Variants in RCL1 observed in about 807,000 individuals in gnomAD.
RCL1 encodes the protein RNA terminal phosphate cyclase like 1, also known as RNA 3'-terminal phosphate cyclase-like protein.
A neutral mutation model predicts 42.4 loss-of-function variants in RCL1; 24 were observed. That is an observed-to-expected ratio of 0.57 (90% CI 0.41 to 0.80). RCL1 has a LOEUF of 0.80. Ranked by LOEUF, RCL1 falls within the 30% of genes least tolerant of loss-of-function variation. RCL1 has a pLI of 0.00. For missense variants in RCL1, 578 were observed against 467.9 expected, an observed-to-expected ratio of 1.24 and a Z score of -2.17; for synonymous variants, 228 against 177.3, an observed-to-expected ratio of 1.29 and a Z score of -2.27.
chr9:4,847,902 C>G (rs1290476432), intron 7 of RCL1, among the ~76,000 whole-genome samples: 1 of 152,242 alleles, frequency 6.6e-6, no homozygotes, highest in Non-Finnish European at 1.5e-5. Flanking sequence ...GCTCATCTCT[C>G]AAGGGCTGGC....
At chr9:4,858,833 T>C (rs1818054013) in intron 8 of RCL1, among the ~76,000 whole-genome samples, 1 of 152,214 alleles carries the variant, frequency 6.6e-6, no homozygotes, top group Non-Finnish European at 1.5e-5. Flanking sequence ...AATACTTCAC[T>C]ATAGATGTGC....
intron 5 of RCL1, among the ~76,000 whole-genome samples, chr9:4,834,750 C>G (rs1025314983): frequency 1.3e-5 from 2 of 152,080 alleles, no homozygotes; most frequent in Non-Finnish European, 2.9e-5. Flanking sequence ...TGAATGATAT[C>G]TACTATTAAG....
chr9:4,846,758 G>A (rs1817528985), intron 7 of RCL1, among the ~76,000 whole-genome samples: 1 of 152,180 alleles, frequency 6.6e-6, no homozygotes, highest in Non-Finnish European at 1.5e-5. Context: ...CAGTAGTCCA[G>A]TAGGAGCCTA....
chr9:4,838,477 G>T (rs1817210446), intron 5 of RCL1, among the ~76,000 whole-genome samples: 1 of 152,220 alleles, frequency 6.6e-6, no homozygotes, highest in East Asian at 1.9e-4. Context: ...AAGTGAAAAA[G>T]CTGGCAGTAA....
chr9:4,848,642 C>G (rs1817601301), intron 7 of RCL1, among the ~76,000 whole-genome samples: 1 of 152,160 alleles, frequency 6.6e-6, no homozygotes, highest in Admixed American at 6.5e-5. Context: ...AAAGAATGAT[C>G]AGAAAGCGTG....
chr9:4,800,335 T>C (rs376340), intron 1 of RCL1, among the ~76,000 whole-genome samples: 152,255 of 152,258 alleles, frequency 1, 76,126 homozygotes, highest in Non-Finnish European at 1. Context: ...CCACCTCAGC[T>C]TCCCGAGTAG....
chr9:4,828,130 G>A (rs1465192984), intron 3 of RCL1, among the ~76,000 whole-genome samples: 1 of 145,436 alleles, frequency 6.9e-6, no homozygotes, highest in Non-Finnish European at 1.5e-5. Context: ...AGCTTGCAGT[G>A]AGCCGAGATC....
At chr9:4,821,368 G>T (rs934600156) in intron 1 of RCL1, among the ~76,000 whole-genome samples, 1 of 152,118 alleles carries the variant, frequency 6.6e-6, no homozygotes, top group African/African-American at 2.4e-5. Flanking sequence ...GCATTCTTGG[G>T]TCTCAGTGTC....
chr9:4,826,970 A>G lies in RCL1; in HGVS notation c.321A>G (p.Pro107=). ...TGGAGAGTCTTCTTTGCTTGGCTCCATTTATGAAGCACCCGTTAAAAATAG... is the reference window on the plus strand; with the variant it reads ...TGGAGAGTCTTCTTTGCTTGGCTCCGTTTATGAAGCACCCGTTAAAAATAG... ...YYLESLLCLA[P]FMKHPLKIVL... is the part of the protein sequence containing the mutation. The change falls in exon 3 of 9, where the codon CCA becomes CCG. Residue 107 remains proline, a synonymous_variant. Coordinates refer to ENST00000381750, the MANE Select transcript of RCL1 (RefSeq NM_005772.5). 6.2e-7 allele frequency: 1 copy of G among 1,614,126 alleles called. No homozygotes were observed. Among genetic ancestry groups the G allele is most frequent in the Non-Finnish European group, 8.5e-7 (1 of 1,180,032 alleles).
chr9:4,825,005 G>A (rs114395034), intron 2 of RCL1, among the ~76,000 whole-genome samples: 1,639 of 152,152 alleles, frequency 0.011, 28 homozygotes, highest in African/African-American at 0.038. Context: ...TCTGCCTCCC[G>A]GGTTCAAACG....
intron 1 of RCL1, among the ~76,000 whole-genome samples, chr9:4,813,054 T>C (rs368076648): frequency 6.6e-6 from 1 of 152,212 alleles, no homozygotes; most frequent in East Asian, 1.9e-4. Flanking sequence ...TTGGATGCCC[T>C]TTATTTCTGT....
At chr9:4,820,581 T>C (rs943928246) in intron 1 of RCL1, among the ~76,000 whole-genome samples, 1 of 152,260 alleles carries the variant, frequency 6.6e-6, no homozygotes, top group Non-Finnish European at 1.5e-5. Flanking sequence ...TCATGGTTTC[T>C]TCCTTTTTTC....
chr9:4,828,253 C>T (rs1478115783), intron 3 of RCL1, among the ~76,000 whole-genome samples: 2 of 151,582 alleles, frequency 1.3e-5, no homozygotes, highest in Middle Eastern at 3.2e-3. Flanking sequence ...AGGCCAAGAC[C>T]AATGAATGGA....
In RCL1 at chr9:4,860,974, A is replaced by G. The variant is rs1818156107; in HGVS notation, c.*699A>G. On this transcript the variant is annotated 3_prime_UTR_variant, in exon 9 of 9. Coordinates refer to ENST00000381750, the MANE Select transcript of RCL1 (RefSeq NM_005772.5). ...ATTTTATTTTCACAATAGCTCTGTGATGTAAGTGCTATCTCCATGAGAAAA... is the reference window on the plus strand; with the variant it reads ...ATTTTATTTTCACAATAGCTCTGTGGTGTAAGTGCTATCTCCATGAGAAAA... The G allele has an allele frequency of 6.6e-6, 1 of 152,162 alleles. No homozygotes were observed. 9.4% of individuals were successfully genotyped at this position (152,162 alleles called of 1,614,324 possible).
chr9:4,839,803 T>C, intron 5 of RCL1: 1 of 970,678 alleles, frequency 1.0e-6, no homozygotes, highest in Non-Finnish European at 1.2e-6. Context: ...CCTTATAGAG[T>C]GTGTGGTCTC....
At chr9:4,851,662 A>G (rs989276102) in intron 8 of RCL1, among the ~76,000 whole-genome samples, 1 of 152,022 alleles carries the variant, frequency 6.6e-6, no homozygotes, top group Non-Finnish European at 1.5e-5. Flanking sequence ...TTTTATGTGT[A>G]GTTAAAGTCA....
At chr9:4,837,787 C>T (rs1182226082) in intron 5 of RCL1, among the ~76,000 whole-genome samples, 1 of 152,196 alleles carries the variant, frequency 6.6e-6, no homozygotes, top group East Asian at 1.9e-4. Context: ...GGAACCTTCC[C>T]TGTGTAGAAT....
intron 1 of RCL1, among the ~76,000 whole-genome samples, chr9:4,816,902 T>C (rs963493337): frequency 3.3e-5 from 5 of 152,122 alleles, no homozygotes; most frequent in African/African-American, 9.7e-5. Context: ...CTGCAAGCTC[T>C]GCCTCCCAGG....
intron 8 of RCL1, among the ~76,000 whole-genome samples, chr9:4,859,768 A>G (rs1640829321): frequency 1.3e-5 from 2 of 152,186 alleles, no homozygotes; most frequent in South Asian, 4.1e-4. Flanking sequence ...GCTTGAGGCC[A>G]GTTTGGGCAA....
Sources: gnomAD v4.1 joint callset for allele counts (sites outside exome capture counted in the v4.1 genomes callset) on GRCh38, gnomAD v4.1.1 for gene constraint, MANE v1.5 for transcripts, NCBI Gene and HGNC (gene_info 2026-07-23, HGNC 2026-07-21) for gene names.